SPATA13: variants seen among roughly 807,000 people sequenced by gnomAD.
SPATA13 encodes spermatogenesis associated 13, also known as spermatogenesis-associated protein 13.
In SPATA13, 50 loss-of-function variants were observed where a neutral mutation model predicts 104.0. The ratio of observed to expected loss-of-function variants is 0.48; its 90% CI spans 0.38 to 0.61. SPATA13 has a LOEUF of 0.61. Among genes scored for constraint, SPATA13 ranks in the 20% least tolerant of loss-of-function variants. The pLI is 0.00. For synonymous variants in SPATA13, 606 were observed against 667.5 expected (o/e 0.91, Z 1.42); for missense variants, 1,524 against 1,690.6 (o/e 0.90, Z 1.73).
At chr13:24,209,955 C>T (rs1593421172) in intron 1 of SPATA13, among the ~76,000 whole-genome samples, 2 of 152,114 alleles carry the variant, frequency 1.3e-5, no homozygotes. Flanking sequence ...TGATAATAAC[C>T]ATCCTAACAG....
chr13:24,093,200 T>C (rs977094063), intron 3 of SPATA13, among the ~76,000 whole-genome samples: 3 of 152,248 alleles, frequency 2.0e-5, no homozygotes, highest in Admixed American at 6.5e-5. Context: ...GGGAATCTGC[T>C]GTGTCTCTTT....
rs568742663 is a variant in SPATA13, at chr13:24,009,806, T to C, written c.-146-7861T>C. Among the ~76,000 whole-genome samples, 5 of 152,314 alleles carry C rather than the reference T, an allele frequency of 3.3e-5. No homozygotes were observed. The East Asian group carries it at 9.6e-4, about 29-fold the overall frequency. ...TCTGTTGATGTTAACTCTGGTCGGCTTTTTTTGAATTCCAAAAAGGAGGAG... is the reference window on the plus strand; with the variant it reads ...TCTGTTGATGTTAACTCTGGTCGGCCTTTTTTGAATTCCAAAAAGGAGGAG... On this transcript the variant is annotated intron_variant, in intron 2 of 14. Transcript: ENST00000424834.
In SPATA13 at chr13:24,155,115, T is replaced by A. The variant is rs566522536; in HGVS notation, c.-111-67704T>A. Among the ~76,000 whole-genome samples the A allele has an allele frequency of 3.9e-3, 592 of 152,334 alleles. 5 individuals carry two copies. The highest frequency in any genetic ancestry group is 6.2e-3 in the Non-Finnish European group (422 of 68,026). ...CACCTGCCTCAGCCTCCCAAAGTGC[T>A]GGGATTACAGGCGTGAGCCACCTTG... On this transcript the variant is annotated intron_variant, in intron 3 of 14. Coordinates refer to the SPATA13 transcript ENST00000424834.
At chr13:24,186,696 A>C (rs1869174073) in intron 1 of SPATA13, among the ~76,000 whole-genome samples, 1 of 152,150 alleles carries the variant, frequency 6.6e-6, no homozygotes, top group Non-Finnish European at 1.5e-5. Context: ...GGGAACATTA[A>C]TTTTCTGCAC....
chr13:24,030,269 T>C (rs1288587973), intron 3 of SPATA13, among the ~76,000 whole-genome samples: 2 of 152,204 alleles, frequency 1.3e-5, no homozygotes, highest in Non-Finnish European at 2.9e-5. Flanking sequence ...TAATGGCATG[T>C]GTTCACCATT....
chr13:24,053,565 C>T (rs145445224), intron 3 of SPATA13, among the ~76,000 whole-genome samples: 316 of 152,188 alleles, frequency 2.1e-3, no homozygotes, highest in Non-Finnish European at 4.0e-3. Flanking sequence ...TATAGACTTC[C>T]CTTGCCACCT....
chr13:24,020,562 TCAGGCTA>T (rs753835997), intron 3 of SPATA13, among the ~76,000 whole-genome samples: 3 of 152,202 alleles, frequency 2.0e-5, no homozygotes, highest in Admixed American at 1.3e-4. Flanking sequence ...TAACAGTCCA[TCAGGCTA>T]AACTATTCAG....
intron 9 of SPATA13, among the ~76,000 whole-genome samples, chr13:24,291,301 C>T (rs759289971): frequency 2.6e-5 from 4 of 152,214 alleles, no homozygotes; most frequent in Non-Finnish European, 5.9e-5. Flanking sequence ...CGTACAGCAG[C>T]TCGGCTCAGA....
exon 2 of SPATA13, chr13:23,983,844 C>T (rs1875025277): frequency 2.0e-6 from 2 of 982,964 alleles, no homozygotes; most frequent in Non-Finnish European, 2.4e-6. Context: ...ATATTCGCTG[C>T]CTGTGCAGCA....
intron 4 of SPATA13, among the ~76,000 whole-genome samples, chr13:24,256,195 G>T (rs914855607): frequency 6.6e-6 from 1 of 152,052 alleles, no homozygotes; most frequent in African/African-American, 2.4e-5. Context: ...TCTCCTCCCT[G>T]GTCAAGTATT....
chr13:24,083,330 C>T (rs745919), intron 3 of SPATA13, among the ~76,000 whole-genome samples: 59,892 of 152,092 alleles, frequency 0.39, 11,995 homozygotes, highest in East Asian at 0.51. Flanking sequence ...AACCCTGCCC[C>T]GCCCACAGGA....
intron 2 of SPATA13, among the ~76,000 whole-genome samples, chr13:24,002,200 G>C (rs1272363572): frequency 3.3e-5 from 5 of 152,054 alleles, no homozygotes; most frequent in Non-Finnish European, 7.4e-5. Context: ...CTAAGATGAT[G>C]GTCATGTATG....
intron 3 of SPATA13, among the ~76,000 whole-genome samples, chr13:24,144,796 A>G (rs1452053921): frequency 1.3e-5 from 2 of 152,296 alleles, no homozygotes; most frequent in Middle Eastern, 3.4e-3. Flanking sequence ...AGCCTCGTGC[A>G]GTACGGTATG....
At chr13:24,155,143 C>T (rs1310473184) in intron 3 of SPATA13, among the ~76,000 whole-genome samples, 5 of 152,090 alleles carry the variant, frequency 3.3e-5, no homozygotes, top group African/African-American at 7.2e-5. Flanking sequence ...CCACCTTGCC[C>T]GGTTGGTTAT....
intron 2 of SPATA13, among the ~76,000 whole-genome samples, chr13:24,015,573 G>A (rs972452403): frequency 6.6e-6 from 1 of 152,190 alleles, no homozygotes; most frequent in Non-Finnish European, 1.5e-5. Context: ...TGAGCCAGGG[G>A]CCACCTGGCC....
intron 1 of SPATA13, among the ~76,000 whole-genome samples, chr13:24,215,669 A>T (rs1871228471): frequency 6.6e-6 from 1 of 152,342 alleles, no homozygotes; most frequent in African/African-American, 2.4e-5. Flanking sequence ...TAAGCTGTGG[A>T]TGTAAAAGCT....
chr13:24,281,793 A>C (rs1193072103), intron 4 of SPATA13, among the ~76,000 whole-genome samples: 1 of 152,098 alleles, frequency 6.6e-6, no homozygotes, highest in Non-Finnish European at 1.5e-5. Context: ...GCCTGAGCAC[A>C]GTCTGAGAGA....
At chr13:24,029,693 G>T (rs994079441) in intron 3 of SPATA13, among the ~76,000 whole-genome samples, 1 of 151,614 alleles carries the variant, frequency 6.6e-6, no homozygotes, top group Non-Finnish European at 1.5e-5. Flanking sequence ...TGTCATGGGG[G>T]TTTGTTGTAC....
At chr13:24,113,868 C>CAAAAAAAAA (rs958434459) in intron 3 of SPATA13, among the ~76,000 whole-genome samples, 40 of 55,930 alleles carry the variant, frequency 7.2e-4, no homozygotes, top group Middle Eastern at 0.011. Flanking sequence ...GACTCGATCT[C>CAAAAAAAAA]AAAAAAAAAA....
Sources: gnomAD v4.1 joint callset for allele counts (sites outside exome capture counted in the v4.1 genomes callset) on GRCh38, gnomAD v4.1.1 for gene constraint, MANE v1.5 for transcripts, NCBI Gene and HGNC (gene_info 2026-07-23, HGNC 2026-07-21) for gene names.